The following GRID2 variants were observed in gnomAD, a reference collection of about 807,000 sequenced individuals.
GRID2 encodes glutamate ionotropic receptor delta type subunit 2.
A neutral mutation model predicts 114.8 loss-of-function variants in GRID2; 33 were observed. The ratio of observed to expected loss-of-function variants is 0.29; its 90% confidence interval spans 0.22 to 0.38. The LOEUF (loss-of-function observed/expected upper bound fraction) is 0.38. GRID2 is among the 10% of genes least tolerant of loss of function. GRID2 has a pLI of 1.00. For synonymous variants in GRID2, 505 were observed against 449.9 expected (o/e 1.12, Z -1.55); for missense variants, 1,184 against 1,257.7 (o/e 0.94, Z 0.89).
intron 4 of GRID2, among the ~76,000 whole-genome samples, chr4:93,159,207 A>G (rs2904475): frequency 0.35 from 52,574 of 151,456 alleles, 9,820 homozygotes; most frequent in Admixed American, 0.53. Flanking sequence ...TTGTACTTGT[A>G]CTGGTCAAAT....
At chr4:93,102,747 C>T (rs1203886862) in intron 3 of GRID2, among the ~76,000 whole-genome samples, 1 of 150,954 alleles carries the variant, frequency 6.6e-6, no homozygotes, top group Non-Finnish European at 1.5e-5. Context: ...AAATAAAAGA[C>T]ATCAACTACT....
chr4:92,860,885 T>G (rs1206526685), intron 2 of GRID2, among the ~76,000 whole-genome samples: 1 of 152,100 alleles, frequency 6.6e-6, no homozygotes, highest in Non-Finnish European at 1.5e-5. Flanking sequence ...GAAAATGTGC[T>G]AAGTACACTA....
At chr4:92,401,307 T>C (rs1022260467) in intron 1 of GRID2, among the ~76,000 whole-genome samples, 19 of 152,200 alleles carry the variant, frequency 1.2e-4, no homozygotes, top group African/African-American at 4.6e-4. Flanking sequence ...AAAGCAGATA[T>C]TACATGTTTA....
chr4:93,730,562 C>T (rs1295596726), intron 14 of GRID2, among the ~76,000 whole-genome samples: 1 of 152,178 alleles, frequency 6.6e-6, no homozygotes, highest in African/African-American at 2.4e-5. Context: ...CATTGGCTCC[C>T]CCCAATCCCA....
chr4:93,724,995 T>A (rs932628342), intron 14 of GRID2, among the ~76,000 whole-genome samples: 4 of 152,092 alleles, frequency 2.6e-5, no homozygotes, highest in African/African-American at 9.7e-5. Flanking sequence ...AATTTTATTA[T>A]TATTATACTT....
At chr4:93,456,475 T>C (rs1477536332) in intron 11 of GRID2, among the ~76,000 whole-genome samples, 1 of 152,212 alleles carries the variant, frequency 6.6e-6, no homozygotes, top group African/African-American at 2.4e-5. Flanking sequence ...TCTTTTACTT[T>C]GATATGTAAT....
At chr4:93,633,298 C>CTTTGTAT (rs1560844771) in intron 14 of GRID2, among the ~76,000 whole-genome samples, 1 of 151,632 alleles carries the variant, frequency 6.6e-6, no homozygotes, top group Non-Finnish European at 1.5e-5. Context: ...TAGTGCTTTA[C>CTTTGTAT]TTTGTATTTT....
chr4:93,651,183 A>C (rs146052418), intron 14 of GRID2, among the ~76,000 whole-genome samples: 2 of 152,146 alleles, frequency 1.3e-5, no homozygotes, highest in African/African-American at 4.8e-5. Flanking sequence ...ATCTTTTGTC[A>C]ACATTGAAAA....
At chr4:93,400,441 A>G (rs1017191712) in intron 9 of GRID2, among the ~76,000 whole-genome samples, 21 of 152,216 alleles carry the variant, frequency 1.4e-4, no homozygotes, top group African/African-American at 4.8e-4. Flanking sequence ...GTGTATTACT[A>G]CAAAGGAATT....
At chr4:92,488,461 G>T (rs1433946733) in intron 1 of GRID2, among the ~76,000 whole-genome samples, 2 of 152,060 alleles carry the variant, frequency 1.3e-5, no homozygotes, top group African/African-American at 4.8e-5. Context: ...TGGGGTGCTG[G>T]CATGAAGGAG....
chr4:93,044,629 A>G (rs1199948892), intron 2 of GRID2, among the ~76,000 whole-genome samples: 2 of 152,224 alleles, frequency 1.3e-5, no homozygotes, highest in East Asian at 1.9e-4. Flanking sequence ...TTAAGCAACC[A>G]TAAGCATTCT....
chr4:93,738,960 C>T (rs1578703882), intron 14 of GRID2, among the ~76,000 whole-genome samples: 1 of 151,876 alleles, frequency 6.6e-6, no homozygotes, highest in Non-Finnish European at 1.5e-5. Context: ...TTTAATAAAT[C>T]GACTCCCACT....
chr4:93,377,879 G>T (rs1763515383), intron 8 of GRID2, among the ~76,000 whole-genome samples: 1 of 152,060 alleles, frequency 6.6e-6, no homozygotes, highest in Non-Finnish European at 1.5e-5. Context: ...TCTTCTGATT[G>T]TGTAATAAAA....
At chr4:93,369,550 A>G (rs1164038643) in intron 8 of GRID2, among the ~76,000 whole-genome samples, 1 of 152,038 alleles carries the variant, frequency 6.6e-6, no homozygotes, top group Non-Finnish European at 1.5e-5. Flanking sequence ...AGTGCAGTGG[A>G]CAGTCATGGC....
At chr4:92,400,967 T>C (rs919526624) in intron 1 of GRID2, among the ~76,000 whole-genome samples, 1 of 152,072 alleles carries the variant, frequency 6.6e-6, no homozygotes, top group Non-Finnish European at 1.5e-5. Context: ...CATGTAAGAG[T>C]TATTTAAATA....
chr4:92,972,725 C>A (rs887140624), intron 2 of GRID2, among the ~76,000 whole-genome samples: 1 of 151,888 alleles, frequency 6.6e-6, no homozygotes, highest in Non-Finnish European at 1.5e-5. Flanking sequence ...CTAGTACCCA[C>A]TGGTTACTTT....
intron 1 of GRID2, among the ~76,000 whole-genome samples, chr4:92,460,785 A>G (rs1260584411): frequency 6.6e-6 from 1 of 152,096 alleles, no homozygotes; most frequent in Non-Finnish European, 1.5e-5. Flanking sequence ...GATTTAGTAA[A>G]ATTGAGCATT....
intron 8 of GRID2, among the ~76,000 whole-genome samples, chr4:93,258,741 G>A (rs191271084): frequency 6.6e-6 from 1 of 151,892 alleles, no homozygotes; most frequent in African/African-American, 2.4e-5. Flanking sequence ...AAAATAATCT[G>A]AACCTGAAGG....
intron 4 of GRID2, among the ~76,000 whole-genome samples, chr4:93,140,146 C>G (rs377144238): frequency 7.2e-6 from 1 of 138,810 alleles, no homozygotes; most frequent in Non-Finnish European, 1.5e-5. Context: ...ATATCATTTT[C>G]TTTCTTTTCT....
Sources: allele counts gnomAD v4.1 joint callset (sites outside exome capture counted in the v4.1 genomes callset), GRCh38; gene constraint gnomAD v4.1.1; transcripts MANE v1.5; gene names NCBI Gene and HGNC (gene_info 2026-07-23, HGNC 2026-07-21).